Variants in DOCK2 observed in about 807,000 individuals in gnomAD.
DOCK2 encodes the protein dedicator of cytokinesis protein 2.
Under a neutral mutation model 248.9 loss-of-function variants are expected in DOCK2, and 87 were observed. The observed-to-expected ratio is 0.35, with a 90% CI of 0.29 to 0.42. DOCK2 has a LOEUF of 0.42. Ranked by LOEUF, DOCK2 falls within the 10% of genes least tolerant of loss-of-function variation. The pLI is 1.00. For missense variants in DOCK2, 1,747 were observed against 2,300.2 expected (o/e 0.76, Z 4.92); for synonymous variants, 805 against 821.6 (o/e 0.98, Z 0.35).
chr5:169,771,974 C>G (rs146727771), intron 25 of DOCK2, among the ~76,000 whole-genome samples: 2 of 152,234 alleles, frequency 1.3e-5, no homozygotes, highest in African/African-American at 2.4e-5. Flanking sequence ...TTGACCACAC[C>G]TCTTTCCCAG....
intron 34 of DOCK2, among the ~76,000 whole-genome samples, chr5:170,032,910 C>A (rs1214057111): frequency 3.3e-5 from 5 of 151,998 alleles, no homozygotes; most frequent in African/African-American, 1.2e-4. Context: ...AATCACGTGG[C>A]CTGCATAATG....
chr5:170,000,940 G>T (rs1395110921), intron 30 of DOCK2, among the ~76,000 whole-genome samples: 1 of 152,210 alleles, frequency 6.6e-6, no homozygotes, highest in Non-Finnish European at 1.5e-5. Flanking sequence ...GCGAGGGAGA[G>T]ACACATACAG....
chr5:169,968,601 T>C (rs1440639068), intron 27 of DOCK2, among the ~76,000 whole-genome samples: 2 of 152,228 alleles, frequency 1.3e-5, no homozygotes, highest in Non-Finnish European at 2.9e-5. Flanking sequence ...AGATGGTTTT[T>C]GTTTTTCATT....
At chr5:169,824,804 A>G (rs1430704530) in intron 26 of DOCK2, among the ~76,000 whole-genome samples, 2 of 152,276 alleles carry the variant, frequency 1.3e-5, no homozygotes, top group African/African-American at 2.4e-5. Flanking sequence ...GCTTCTGCAC[A>G]GCAAAAGAAA....
intron 22 of DOCK2, among the ~76,000 whole-genome samples, chr5:169,724,504 T>C (rs1294362990): frequency 2.0e-5 from 3 of 152,074 alleles, no homozygotes; most frequent in African/African-American, 7.2e-5. Context: ...CTTCAGCACC[T>C]GGAAGCTTCA....
intron 27 of DOCK2, chr5:169,883,767 G>A (rs777465386): frequency 3.9e-6 from 6 of 1,551,626 alleles, no homozygotes; most frequent in Non-Finnish European, 5.2e-6. Context: ...GATTCTTAGT[G>A]GTCCCATCTT....
intron 9 of DOCK2, among the ~76,000 whole-genome samples, chr5:169,690,741 G>T (rs1381257654): frequency 6.6e-6 from 1 of 152,192 alleles, no homozygotes; most frequent in African/African-American, 2.4e-5. Flanking sequence ...ATTTTGCAGA[G>T]AACCAATTCA....
At chr5:170,030,048 C>T (rs1219955367) in intron 34 of DOCK2, among the ~76,000 whole-genome samples, 1 of 152,208 alleles carries the variant, frequency 6.6e-6, no homozygotes, top group East Asian at 1.9e-4. Context: ...GGGGAATAAA[C>T]AATATTCTGG....
intron 26 of DOCK2, among the ~76,000 whole-genome samples, chr5:169,819,505 C>T (rs112887382): frequency 0.013 from 2,019 of 152,194 alleles, 22 homozygotes; most frequent in Middle Eastern, 0.048. Flanking sequence ...CCTGTAGTCC[C>T]GGCTACTCAG....
At chr5:169,688,589 T>C (rs1361970326) in intron 8 of DOCK2, among the ~76,000 whole-genome samples, 1 of 152,220 alleles carries the variant, frequency 6.6e-6, no homozygotes, top group Admixed American at 6.5e-5. Context: ...CTGATGAACA[T>C]TTCCTTTGAG....
chr5:169,973,269 T>C (rs1029340762), intron 27 of DOCK2, among the ~76,000 whole-genome samples: 1 of 152,182 alleles, frequency 6.6e-6, no homozygotes, highest in African/African-American at 2.4e-5. Flanking sequence ...TCACCCACAA[T>C]GCAGCTGCCC....
At chr5:169,814,262 GAAGGACTCTAC>G (rs1307803019) in intron 26 of DOCK2, among the ~76,000 whole-genome samples, 1 of 152,174 alleles carries the variant, frequency 6.6e-6, no homozygotes, top group African/African-American at 2.4e-5. Context: ...GATGCACTGA[GAAGGACTCTAC>G]ATCTCTTCTA....
chr5:169,811,799 C>T (rs1031325036), intron 26 of DOCK2, among the ~76,000 whole-genome samples: 1 of 152,222 alleles, frequency 6.6e-6, no homozygotes, highest in African/African-American at 2.4e-5. Context: ...CCCAACTCAA[C>T]AGCCTCTCAG....
intron 27 of DOCK2, among the ~76,000 whole-genome samples, chr5:169,846,051 G>T (rs530062503): frequency 6.6e-6 from 1 of 152,286 alleles, no homozygotes; most frequent in East Asian, 1.9e-4. Flanking sequence ...ACAAGGAGGA[G>T]AGATCCCCAT....
chr5:169,649,499 T>C (rs778978864), intron 1 of DOCK2, among the ~76,000 whole-genome samples: 1 of 152,262 alleles, frequency 6.6e-6, no homozygotes, highest in African/African-American at 2.4e-5. Flanking sequence ...GCACTTCTAC[T>C]GTGGGCCAGG....
intron 3 of DOCK2, among the ~76,000 whole-genome samples, chr5:169,669,687 C>T (rs1363928481): frequency 6.6e-6 from 1 of 152,174 alleles, no homozygotes; most frequent in Non-Finnish European, 1.5e-5. Context: ...TCTCCTCATC[C>T]GTATACCCAG....
chr5:169,674,477 C>A (rs750839101), intron 6 of DOCK2, 32 bp downstream of exon 6: 2 of 1,610,844 alleles, frequency 1.2e-6, no homozygotes, highest in Non-Finnish European at 1.7e-6. Context: ...AAGAGGTTTT[C>A]TTCCCCCAGC....
At chr5:169,966,623 C>A (rs1777310617) in intron 27 of DOCK2, among the ~76,000 whole-genome samples, 1 of 152,148 alleles carries the variant, frequency 6.6e-6, no homozygotes, top group Admixed American at 6.5e-5. Context: ...GCTCCATACC[C>A]TTATTTTACA....
intron 30 of DOCK2, among the ~76,000 whole-genome samples, chr5:170,006,566 G>A (rs774822246): frequency 2.0e-5 from 3 of 152,252 alleles, no homozygotes; most frequent in Non-Finnish European, 4.4e-5. Flanking sequence ...GGTTCTTCTG[G>A]TCTCTGCATG....
Sources: allele counts gnomAD v4.1 joint callset (sites outside exome capture counted in the v4.1 genomes callset), GRCh38; gene constraint gnomAD v4.1.1; transcripts MANE v1.5; gene names NCBI Gene and HGNC (gene_info 2026-07-23, HGNC 2026-07-21).